INTS9: variants seen among roughly 807,000 people sequenced by gnomAD.
INTS9 encodes integrator complex subunit 9, also known as protein related to CPSF subunits of 74 kDa.
Under a neutral mutation model 79.7 loss-of-function variants are expected in INTS9, and 55 were observed. The ratio of observed to expected loss-of-function variants is 0.69; its 90% confidence interval spans 0.56 to 0.86. The LOEUF is 0.86. Ranked by LOEUF, INTS9 falls within the 40% of genes least tolerant of loss-of-function variation. The pLI is 0.00. For missense variants in INTS9, 721 were observed against 831.5 expected (o/e 0.87, Z 1.64); for synonymous variants, 319 against 325.2 (o/e 0.98, Z 0.20).
intron 10 of INTS9, among the ~76,000 whole-genome samples, chr8:28,789,880 AAACC>A (rs140330828): frequency 1.3e-5 from 2 of 151,546 alleles, no homozygotes; most frequent in Non-Finnish European, 2.9e-5. Flanking sequence ...CCTGTCTCAA[AAACC>A]AACCAACCAA....
intron 4 of INTS9, among the ~76,000 whole-genome samples, chr8:28,838,048 G>A (rs1354422303): frequency 1.3e-5 from 2 of 151,930 alleles, no homozygotes; most frequent in Non-Finnish European, 2.9e-5. Flanking sequence ...AGACTTATGA[G>A]GTTAAATGAC....
intron 6 of INTS9, among the ~76,000 whole-genome samples, chr8:28,833,915 C>T (rs1806652520): frequency 6.6e-6 from 1 of 152,124 alleles, no homozygotes; most frequent in Non-Finnish European, 1.5e-5. Context: ...AGCCTGGTTT[C>T]TGGACCTAGC....
At chr8:28,878,795 C>T (rs1426323813) in intron 1 of INTS9, among the ~76,000 whole-genome samples, 4 of 151,966 alleles carry the variant, frequency 2.6e-5, no homozygotes, top group African/African-American at 4.8e-5. Flanking sequence ...GCCTGACCAA[C>T]ATGGAAAAAC....
intron 1 of INTS9, among the ~76,000 whole-genome samples, chr8:28,869,307 A>C (rs186106719): frequency 7.3e-4 from 111 of 152,252 alleles, no homozygotes; most frequent in African/African-American, 2.4e-3. Flanking sequence ...TGGCCTCCCA[A>C]AGTGCTGGGA....
rs772330863 is a variant in INTS9, at chr8:28,777,938, TAGG to T, written c.1283_1285del (p.Ser428del). On this transcript the variant is annotated inframe_deletion, in exon 13 of 17. Transcript: ENST00000521022. ...CTGGTAAGGAGCCAGGGCTTCCAGGTAGGAGAAGTCTGGTTCTAGGGAAAGTAC... is the reference window on the plus strand; with the variant it reads ...CTGGTAAGGAGCCAGGGCTTCCAGGTAGAAGTCTGGTTCTAGGGAAAGTAC... The T allele has an allele frequency of 6.8e-6, 11 of 1,610,794 alleles. No individual in the cohort carries two copies. The highest frequency in any genetic ancestry group is 2.2e-5 in the East Asian group (1 of 44,484).
chr8:28,882,318 G>T (rs1202121774), intron 1 of INTS9, among the ~76,000 whole-genome samples: 1 of 114,684 alleles, frequency 8.7e-6, no homozygotes, highest in African/African-American at 2.7e-5. Flanking sequence ...CAAACACTGC[G>T]GAAGGCCGAA....
rs753329151 is a variant in INTS9 at position 28,859,440 on chromosome 8, G to C, written c.133C>G (p.Gln45Glu). 3.1e-6 allele frequency: 5 copies of C among 1,613,990 alleles called. No individual in the cohort carries two copies. Among genetic ancestry groups the C allele is most frequent in the South Asian group, 2.2e-5 (2 of 91,042 alleles). Residue 45 changes from glutamine (Q) to glutamate (E), a missense_variant, in exon 2 of 17, where the codon CAA (glutamine) becomes GAA (glutamate). Gln to Glu is a conservative substitution (Grantham distance 29). Around this residue, in one of 3 missense-constraint regions of INTS9, gnomAD observed 291 missense variants for 307.0 expected, o/e 0.95. Coordinates refer to ENST00000521022, the MANE Select transcript of INTS9 (RefSeq NM_018250.4). ...TLNFLPLPLV[Q>E]SPRLSNLPGW... ...TTTGGCTGCACCAGCACATACCTTT[G>C]AACAAGTGGCAAAGGAAGGAAATTG...
chr8:28,875,380 T>C (rs1809325774), intron 1 of INTS9, among the ~76,000 whole-genome samples: 1 of 152,250 alleles, frequency 6.6e-6, no homozygotes, highest in Non-Finnish European at 1.5e-5. Context: ...CTTCTACTTG[T>C]AATAACACAT....
chr8:28,815,404 G>C (rs562711564), intron 6 of INTS9, among the ~76,000 whole-genome samples: 1 of 152,096 alleles, frequency 6.6e-6, no homozygotes, highest in Admixed American at 6.6e-5. Context: ...AGAAATAAAA[G>C]AAAACATCAT....
chr8:28,790,690 C>A (rs976842892), intron 10 of INTS9, among the ~76,000 whole-genome samples: 5 of 152,130 alleles, frequency 3.3e-5, no homozygotes, highest in African/African-American at 1.2e-4. Context: ...CTAATGACCC[C>A]AAAAATGCAG....
At chr8:28,836,727 T>C (rs10866874) in intron 5 of INTS9, among the ~76,000 whole-genome samples, 80,616 of 151,934 alleles carry the variant, frequency 0.53, 23,186 homozygotes, top group Non-Finnish European at 0.65. Flanking sequence ...ATCCTCTCAA[T>C]TGAAACCAGT....
intron 1 of INTS9, among the ~76,000 whole-genome samples, chr8:28,863,683 G>A (rs564298850): frequency 2.0e-5 from 3 of 152,310 alleles, no homozygotes; most frequent in Non-Finnish European, 4.4e-5. Context: ...GGCTAAGGCT[G>A]AGGCAGGAGA....
At chr8:28,844,313 C>T (rs1051877299) in intron 4 of INTS9, among the ~76,000 whole-genome samples, 13 of 150,660 alleles carry the variant, frequency 8.6e-5, no homozygotes, top group African/African-American at 2.2e-4. Context: ...GGGAGGCTGA[C>T]GCAGATCGCT....
intron 10 of INTS9, among the ~76,000 whole-genome samples, chr8:28,791,144 G>A (rs1028506974): frequency 6.6e-6 from 1 of 152,100 alleles, no homozygotes; most frequent in Non-Finnish European, 1.5e-5. Flanking sequence ...GTAGAGACTG[G>A]AGTCTTCAGT....
chr8:28,888,357 G>A (rs941548929), intron 1 of INTS9, among the ~76,000 whole-genome samples: 2 of 152,190 alleles, frequency 1.3e-5, no homozygotes, highest in African/African-American at 4.8e-5. Context: ...TTTGAGACCA[G>A]CCTGGGCAAC....
intron 4 of INTS9, among the ~76,000 whole-genome samples, chr8:28,842,144 A>G (rs1807226014): frequency 6.6e-6 from 1 of 152,162 alleles, no homozygotes; most frequent in Admixed American, 6.5e-5. Context: ...TACATTTCCT[A>G]TCCATTAAGT....
At chr8:28,874,950 A>G (rs765742853) in intron 1 of INTS9, among the ~76,000 whole-genome samples, 2 of 152,228 alleles carry the variant, frequency 1.3e-5, no homozygotes, top group Admixed American at 1.3e-4. Context: ...TCTCACAATC[A>G]TTACATAAGG....
chr8:28,784,206 G>T (rs183433461), intron 11 of INTS9, among the ~76,000 whole-genome samples: 1 of 152,170 alleles, frequency 6.6e-6, no homozygotes, highest in South Asian at 2.1e-4. Context: ...CTCATGGTAC[G>T]ACCACAGTCT....
chr8:28,799,164 C>T (rs560852970), intron 8 of INTS9, among the ~76,000 whole-genome samples: 4 of 152,034 alleles, frequency 2.6e-5, no homozygotes, highest in East Asian at 1.9e-4. Context: ...GGCGTGCTGG[C>T]GGGCACCTGT....
Sources: gnomAD v4.1 joint callset for allele counts (sites outside exome capture counted in the v4.1 genomes callset) on GRCh38, gnomAD v4.1.1 for gene constraint, gnomAD v4.1.1 regional missense constraint, MANE v1.5 for transcripts, NCBI Gene and HGNC (gene_info 2026-07-23, HGNC 2026-07-21) for gene names.